The following ADAMTS12 variants were observed in gnomAD, a reference collection of about 807,000 sequenced individuals.
ADAMTS12 encodes the protein A disintegrin and metalloproteinase with thrombospondin motifs 12.
In ADAMTS12, 118 loss-of-function variants were observed where a neutral mutation model predicts 167.8. That is an observed-to-expected ratio of 0.70 (90% CI 0.61 to 0.82). The LOEUF is 0.82. ADAMTS12 is among the 40% of genes least tolerant of loss of function. The pLI is 0.00. For missense variants in ADAMTS12, 1,916 were observed against 1,998.8 expected, an observed-to-expected ratio of 0.96 and a Z score of 0.79; for synonymous variants, 704 against 716.9, an observed-to-expected ratio of 0.98 and a Z score of 0.29.
At chr5:33,578,185 A>G (rs189885570) in intron 18 of ADAMTS12, among the ~76,000 whole-genome samples, 1 of 152,280 alleles carries the variant, frequency 6.6e-6, no homozygotes, top group East Asian at 1.9e-4. Context: ...TTTCTCTGTC[A>G]GGTATCCCTG....
At chr5:33,826,575 T>TGA (rs1748079186) in intron 2 of ADAMTS12, among the ~76,000 whole-genome samples, 1 of 65,232 alleles carries the variant, frequency 1.5e-5, no homozygotes, top group African/African-American at 6.1e-5. Context: ...TATGTGTATG[T>TGA]GTGTGTGTGT....
At chr5:33,745,481 A>G (rs1207800629) in intron 3 of ADAMTS12, among the ~76,000 whole-genome samples, 1 of 151,932 alleles carries the variant, frequency 6.6e-6, no homozygotes, top group Non-Finnish European at 1.5e-5. Context: ...GCACCCTCCC[A>G]CCTTAGAATG....
chr5:33,810,821 T>C (rs1434927281), intron 2 of ADAMTS12, among the ~76,000 whole-genome samples: 1 of 152,200 alleles, frequency 6.6e-6, no homozygotes, highest in East Asian at 1.9e-4. Context: ...CTGGAGACAA[T>C]GGGCCAGTTA....
chr5:33,599,510 A>G (rs1738078782), intron 16 of ADAMTS12, among the ~76,000 whole-genome samples: 1 of 123,552 alleles, frequency 8.1e-6, no homozygotes, highest in Admixed American at 8.2e-5. Flanking sequence ...GATTTGGGAA[A>G]TGGAGGCACT....
intron 20 of ADAMTS12, among the ~76,000 whole-genome samples, chr5:33,558,016 A>G (rs916995265): frequency 6.6e-6 from 1 of 152,074 alleles, no homozygotes; most frequent in African/African-American, 2.4e-5. Flanking sequence ...ATCTAGTTGC[A>G]GGAAAACAAG....
chr5:33,749,597 G>A (rs1476763782), intron 3 of ADAMTS12, among the ~76,000 whole-genome samples: 1 of 152,128 alleles, frequency 6.6e-6, no homozygotes, highest in East Asian at 1.9e-4. Flanking sequence ...ATTCCACCTG[G>A]TGGAAATTCT....
At chr5:33,649,080 AT>A in intron 8 of ADAMTS12, 114 bp from the exon 9 acceptor site, 1 of 1,311,556 alleles carries the variant, frequency 7.6e-7, no homozygotes, top group Non-Finnish European at 1.0e-6. Flanking sequence ...AGACAACTTT[AT>A]TTTTTACAAG....
At chr5:33,564,420 G>C (rs922371966) in intron 19 of ADAMTS12, among the ~76,000 whole-genome samples, 2 of 152,228 alleles carry the variant, frequency 1.3e-5, no homozygotes, top group Admixed American at 1.3e-4. Flanking sequence ...TAGGAAGGCT[G>C]TTGGATATTG....
chr5:33,872,246 T>C (rs1395563934), intron 2 of ADAMTS12, among the ~76,000 whole-genome samples: 1 of 152,024 alleles, frequency 6.6e-6, no homozygotes, highest in African/African-American at 2.4e-5. Context: ...ACCAAAGTCA[T>C]TACAAGAAAA....
chr5:33,837,624 A>G (rs1189234223), intron 2 of ADAMTS12, among the ~76,000 whole-genome samples: 1 of 152,122 alleles, frequency 6.6e-6, no homozygotes, highest in East Asian at 1.9e-4. Flanking sequence ...CTCCCTTCCT[A>G]GCATCTGCAT....
intron 2 of ADAMTS12, among the ~76,000 whole-genome samples, chr5:33,838,046 C>G (rs1748601558): frequency 6.6e-6 from 1 of 152,104 alleles, no homozygotes. Flanking sequence ...AAGAATAGCA[C>G]TGTGTTTTAA....
chr5:33,589,983 T>C (rs943252995), intron 17 of ADAMTS12, among the ~76,000 whole-genome samples: 2 of 152,240 alleles, frequency 1.3e-5, no homozygotes, highest in African/African-American at 4.8e-5. Flanking sequence ...TAATAAGTAA[T>C]TGAGATTACT....
chr5:33,674,083 T>C (rs1741817509), intron 5 of ADAMTS12, among the ~76,000 whole-genome samples: 1 of 152,182 alleles, frequency 6.6e-6, no homozygotes, highest in Admixed American at 6.5e-5. Context: ...CTTCTCCTTG[T>C]CTCAGGCACT....
At position 33,857,176 on chromosome 5, in the gene ADAMTS12, C is replaced by T. The variant is rs1235769479; in HGVS notation, c.489+23943G>A. Among the ~76,000 whole-genome samples, 5 of 152,280 alleles carry T rather than the reference C, an allele frequency of 3.3e-5. No individual in the cohort carries two copies. The East Asian group carries it at 7.7e-4, about 23-fold the overall frequency. Reference sequence around the variant, plus strand: ...TAAGGCAGCTGCAGAAAGACAAATACGGCATGATCTCACTTATATGTGGAA... The same window carrying T: ...TAAGGCAGCTGCAGAAAGACAAATATGGCATGATCTCACTTATATGTGGAA... On this transcript the variant is annotated intron_variant, in intron 2 of 23. Coordinates refer to ENST00000504830, the MANE Select transcript of ADAMTS12 (RefSeq NM_030955.4).
intron 16 of ADAMTS12, among the ~76,000 whole-genome samples, chr5:33,598,232 G>T (rs1167421783): frequency 2.0e-5 from 3 of 152,094 alleles, no homozygotes; most frequent in Non-Finnish European, 4.4e-5. Context: ...GCCCTTGTAT[G>T]TGCCAGATAC....
intron 23 of ADAMTS12, 133 bp downstream of exon 23, chr5:33,534,700 G>C: frequency 8.3e-7 from 1 of 1,198,238 alleles, no homozygotes; most frequent in Non-Finnish European, 1.1e-6. Flanking sequence ...TGTTCCCAGG[G>C]TTACTGGTTG....
intron 13 of ADAMTS12, among the ~76,000 whole-genome samples, chr5:33,625,303 T>TAA (rs397944314): frequency 8.9e-5 from 13 of 146,668 alleles, no homozygotes; most frequent in African/African-American, 3.0e-4. Flanking sequence ...CTAAGAGATT[T>TAA]AAAAAAAAAA....
chr5:33,664,565 T>C (rs77185235), intron 5 of ADAMTS12, among the ~76,000 whole-genome samples: 1 of 152,152 alleles, frequency 6.6e-6, no homozygotes, highest in Non-Finnish European at 1.5e-5. Flanking sequence ...CAACATCACT[T>C]ATCATCAAGG....
chr5:33,545,387 AT>A (rs1191008705), intron 22 of ADAMTS12, among the ~76,000 whole-genome samples: 1 of 152,230 alleles, frequency 6.6e-6, no homozygotes, highest in Non-Finnish European at 1.5e-5. Context: ...ATTTGGAGAA[AT>A]AGGAATGCTT....
Sources: gnomAD v4.1 joint callset for allele counts (sites outside exome capture counted in the v4.1 genomes callset) on GRCh38, gnomAD v4.1.1 for gene constraint, MANE v1.5 for transcripts, NCBI Gene and HGNC (gene_info 2026-07-23, HGNC 2026-07-21) for gene names.